The following THSD7A variants were observed in gnomAD, a reference collection of about 807,000 sequenced individuals.
THSD7A encodes the protein thrombospondin type 1 domain containing 7A, also known as thrombospondin type-1 domain-containing protein 7A.
THSD7A carries 96 observed loss-of-function variants against 231.3 expected under a neutral mutation model. That is an observed-to-expected ratio of 0.41 (90% CI 0.35 to 0.49). THSD7A has a LOEUF of 0.49. Ranked by LOEUF, THSD7A falls within the 20% of genes least tolerant of loss-of-function variation. THSD7A has a pLI of 0.05. For synonymous variants in THSD7A, 940 were observed against 743.3 expected (o/e 1.26, Z -4.30); for missense variants, 2,290 against 2,070.2 (o/e 1.11, Z -2.06).
intron 2 of THSD7A, among the ~76,000 whole-genome samples, chr7:11,613,444 A>G (rs1180520580): frequency 6.6e-6 from 1 of 152,172 alleles, no homozygotes; most frequent in Admixed American, 6.5e-5. Context: ...AGTGGAACTC[A>G]TAGTCATGTG....
At chr7:11,585,101 T>C (rs1791341630) in intron 4 of THSD7A, among the ~76,000 whole-genome samples, 1 of 152,194 alleles carries the variant, frequency 6.6e-6, no homozygotes, top group Non-Finnish European at 1.5e-5. Flanking sequence ...TCATGATATG[T>C]TTCTTTGCCT....
At chr7:11,477,029 C>G (rs1583815905) in intron 7 of THSD7A, among the ~76,000 whole-genome samples, 2 of 152,054 alleles carry the variant, frequency 1.3e-5, no homozygotes, top group Admixed American at 1.3e-4. Flanking sequence ...TTCTCCTATA[C>G]ATAAGCAATT....
chr7:11,456,232 T>C (rs566313499), intron 11 of THSD7A, among the ~76,000 whole-genome samples: 2 of 152,176 alleles, frequency 1.3e-5, no homozygotes, highest in Admixed American at 6.6e-5. Context: ...TTTATCATGT[T>C]CTAGACAAGG....
At chr7:11,665,773 T>G (rs1341258849) in intron 1 of THSD7A, among the ~76,000 whole-genome samples, 1 of 152,018 alleles carries the variant, frequency 6.6e-6, no homozygotes, top group Non-Finnish European at 1.5e-5. Flanking sequence ...CTTGTACAAT[T>G]TGGGGGCCCC....
chr7:11,394,831 C>T (rs1259438242), intron 23 of THSD7A, among the ~76,000 whole-genome samples: 1 of 152,080 alleles, frequency 6.6e-6, no homozygotes, highest in Non-Finnish European at 1.5e-5. Context: ...ATCGGTCGGC[C>T]AGGGTCTGTG....
chr7:11,385,485 T>G (rs956181966), intron 23 of THSD7A: 1 of 152,110 alleles, frequency 6.6e-6, no homozygotes, highest in African/African-American at 2.4e-5. Flanking sequence ...AAGTTTTTAT[T>G]GTGAAAGTGA....
At chr7:11,786,737 C>T (rs989621827) in intron 1 of THSD7A, among the ~76,000 whole-genome samples, 1 of 145,678 alleles carries the variant, frequency 6.9e-6, no homozygotes, top group African/African-American at 2.6e-5. Flanking sequence ...GCACATGTAC[C>T]CTAAAACTTA....
At chr7:11,782,625 T>C (rs1252478625) in intron 1 of THSD7A, among the ~76,000 whole-genome samples, 1 of 152,132 alleles carries the variant, frequency 6.6e-6, no homozygotes, top group Non-Finnish European at 1.5e-5. Flanking sequence ...AGGTCTTAAA[T>C]AAATTGAGGC....
chr7:11,658,278 T>G (rs777209203), intron 1 of THSD7A, among the ~76,000 whole-genome samples: 1 of 151,784 alleles, frequency 6.6e-6, no homozygotes, highest in Non-Finnish European at 1.5e-5. Flanking sequence ...AACTTTAACA[T>G]GATTTTCCTA....
At chr7:11,720,134 A>G (rs1781298345) in intron 1 of THSD7A, among the ~76,000 whole-genome samples, 1 of 151,776 alleles carries the variant, frequency 6.6e-6, no homozygotes, top group Non-Finnish European at 1.5e-5. Context: ...TTGAACGTCC[A>G]TAGATCTTTC....
Position 11,636,167 on chromosome 7 carries a change from T to C in THSD7A, c.985A>G (p.Met329Val). The change falls in exon 2 of 28, where the codon ATG becomes GTG. Residue 329 changes from methionine (M) to valine (V), a missense_variant. Coordinates refer to ENST00000423059, the MANE Select transcript of THSD7A (RefSeq NM_015204.3). This position sits in a 1 kb window ranked among gnomAD's most constrained non-coding sequence, Gnocchi z 10.0. ...GCTTTCCCCGTCTTGTTAATGCACA[T>C]AACCTCTCTGGTCTGATATCCAATC... ...IQIGYQTREV[M>V]CINKTGKAAD... 1 of 1,613,826 alleles carries C rather than the reference T, an allele frequency of 6.2e-7. No individual in the cohort carries two copies.
At chr7:11,552,467 T>A (rs548640202) in intron 4 of THSD7A, among the ~76,000 whole-genome samples, 2 of 152,092 alleles carry the variant, frequency 1.3e-5, no homozygotes, top group South Asian at 2.1e-4. Context: ...TTAAATAGAA[T>A]AATCAGCCAC....
chr7:11,616,091 T>C (rs1341226811), intron 2 of THSD7A, among the ~76,000 whole-genome samples: 1 of 152,178 alleles, frequency 6.6e-6, no homozygotes. Context: ...TATTTACTGG[T>C]TTGTGATATT....
chr7:11,412,831 G>A (rs775335563), intron 17 of THSD7A, 31 bp from the exon 18 acceptor site: 2 of 1,595,018 alleles, frequency 1.3e-6, no homozygotes, highest in South Asian at 1.1e-5. Context: ...TTCTCAGAAA[G>A]GTGAATACTC....
Position 11,593,871 on chromosome 7 carries a change from G to T in THSD7A, c.1023-369C>A, listed in dbSNP as rs149847663. On this transcript the variant is annotated intron_variant, in intron 2 of 27. Coordinates refer to ENST00000423059, the MANE Select transcript of THSD7A (RefSeq NM_015204.3). ...TATGCTAATTTCCATTCTGTTTAGG[G>T]AATCAAGTAAATATGCCTGCGTAAG... Among the ~76,000 whole-genome samples, 647 of 152,252 alleles carry T rather than the reference G, an allele frequency of 4.2e-3. 2 individuals carry two copies. Among genetic ancestry groups the T allele is most frequent in the African/African-American group, 5.5e-3 (229 of 41,550 alleles).
chr7:11,556,055 T>G (rs1285106587), intron 4 of THSD7A, among the ~76,000 whole-genome samples: 2 of 151,862 alleles, frequency 1.3e-5, no homozygotes, highest in African/African-American at 4.8e-5. Flanking sequence ...TTAATTAGTA[T>G]ACTTAGACTA....
intron 1 of THSD7A, among the ~76,000 whole-genome samples, chr7:11,757,513 T>A (rs911434876): frequency 1.3e-5 from 2 of 152,038 alleles, no homozygotes; most frequent in African/African-American, 4.8e-5. Context: ...AAGTTACAGA[T>A]CTAGCCCTGT....
intron 1 of THSD7A, among the ~76,000 whole-genome samples, chr7:11,778,011 G>T (rs1308401460): frequency 1.4e-5 from 2 of 147,352 alleles, no homozygotes; most frequent in Non-Finnish European, 3.0e-5. Context: ...AAAAAAATTA[G>T]CCGGGCGTAG....
In THSD7A at chr7:11,446,416, T is replaced by A. The variant is rs1431081405; in HGVS notation, c.2801-92A>T. On this transcript the variant is annotated intron_variant, in intron 12 of 27. Coordinates refer to ENST00000423059, the MANE Select transcript of THSD7A (RefSeq NM_015204.3). The surrounding 1 kb of genome is among the most constrained non-coding windows in gnomAD (Gnocchi z 4.0). ...AATTTTCTGCTTTCCTAATTTCTTT[T>A]TCTTCATTTTTAACCATATTTAACA... 3.6e-6 allele frequency: 5 copies of A among 1,378,304 alleles called. No individual in the cohort carries two copies. The East Asian group carries it at 1.1e-4, about 32-fold the overall frequency. The allele number at this position is 1,378,304 out of a possible 1,614,324, so 85.4% of individuals were successfully genotyped here.
Sources: allele counts gnomAD v4.1 joint callset (sites outside exome capture counted in the v4.1 genomes callset), GRCh38; gene constraint gnomAD v4.1.1; non-coding constraint Gnocchi (gnomAD v3.1); transcripts MANE v1.5; gene names NCBI Gene and HGNC (gene_info 2026-07-23, HGNC 2026-07-21).